IQCJ: variants seen among roughly 807,000 people sequenced by gnomAD.
IQCJ encodes IQ motif containing J.
A neutral mutation model predicts 11.0 loss-of-function variants in IQCJ; 9 were observed. The ratio of observed to expected loss-of-function variants is 0.82; its 90% CI spans 0.49 to 1.43. IQCJ has a LOEUF of 1.43. IQCJ is among the 40% of genes most tolerant of loss of function. The pLI is 0.00. For missense variants in IQCJ, 146 were observed against 133.2 expected, an observed-to-expected ratio of 1.10 and a Z score of -0.47; for synonymous variants, 55 against 51.3, an observed-to-expected ratio of 1.07 and a Z score of -0.31.
intron 1 of IQCJ, among the ~76,000 whole-genome samples, chr3:159,094,141 T>G (rs1252781054): frequency 2.0e-5 from 3 of 151,840 alleles, no homozygotes; most frequent in Admixed American, 1.3e-4. Flanking sequence ...CTAGCCATCT[T>G]CAAAGTGACA....
intron 1 of IQCJ, among the ~76,000 whole-genome samples, chr3:159,209,480 C>T (rs1724830570): frequency 6.6e-6 from 1 of 152,116 alleles, no homozygotes; most frequent in South Asian, 2.1e-4. Flanking sequence ...GGAGGAGAAG[C>T]CAGGTACCAA....
At chr3:159,232,236 A>G (rs1335204661) in intron 1 of IQCJ, among the ~76,000 whole-genome samples, 3 of 152,014 alleles carry the variant, frequency 2.0e-5, no homozygotes, top group Non-Finnish European at 4.4e-5. Context: ...TGTCGATTTT[A>G]GATCTTTCCT....
chr3:159,158,682 T>C (rs1721668555), intron 1 of IQCJ, among the ~76,000 whole-genome samples: 1 of 152,222 alleles, frequency 6.6e-6, no homozygotes, highest in Non-Finnish European at 1.5e-5. Flanking sequence ...TTTTCTTCAA[T>C]AACAACTGTA....
chr3:159,082,470 G>C (rs1274947775), intron 1 of IQCJ, among the ~76,000 whole-genome samples: 2 of 151,836 alleles, frequency 1.3e-5, no homozygotes, highest in Non-Finnish European at 2.9e-5. Context: ...AGGGGAGCAA[G>C]TGTTTTAGGG....
At chr3:159,238,053 A>T (rs1210139780) in intron 1 of IQCJ, among the ~76,000 whole-genome samples, 1 of 152,166 alleles carries the variant, frequency 6.6e-6, no homozygotes, top group Admixed American at 6.5e-5. Flanking sequence ...ATCTGGGGTT[A>T]TCAATAGTTG....
intron 1 of IQCJ, among the ~76,000 whole-genome samples, chr3:159,222,029 C>G (rs969037586): frequency 1.3e-5 from 2 of 151,760 alleles, no homozygotes; most frequent in Non-Finnish European, 2.9e-5. Flanking sequence ...ATATTCAATC[C>G]CTATAGAAAA....
At chr3:159,086,378 T>A (rs1261755803) in intron 1 of IQCJ, among the ~76,000 whole-genome samples, 1 of 152,170 alleles carries the variant, frequency 6.6e-6, no homozygotes, top group Non-Finnish European at 1.5e-5. Context: ...TCTTTTGGCT[T>A]AGGATTGACT....
At chr3:159,114,729 C>T (rs142346112) in intron 1 of IQCJ, among the ~76,000 whole-genome samples, 52 of 152,264 alleles carry the variant, frequency 3.4e-4, no homozygotes, top group African/African-American at 1.2e-3. Flanking sequence ...GAGTGCTCTG[C>T]GCATCTGCCA....
intron 1 of IQCJ, among the ~76,000 whole-genome samples, chr3:159,176,803 G>A (rs138667352): frequency 6.6e-6 from 1 of 152,284 alleles, no homozygotes; most frequent in Non-Finnish European, 1.5e-5. Flanking sequence ...AGTAGCACAT[G>A]TAGCTGGGGG....
intron 1 of IQCJ, among the ~76,000 whole-genome samples, chr3:159,196,042 G>A (rs530595935): frequency 6.6e-6 from 1 of 152,082 alleles, no homozygotes; most frequent in Non-Finnish European, 1.5e-5. Context: ...GCCCTGTGTG[G>A]CAAATAGTGA....
At chr3:159,172,662 C>G (rs559573696) in intron 1 of IQCJ, among the ~76,000 whole-genome samples, 3 of 150,872 alleles carry the variant, frequency 2.0e-5, no homozygotes, top group Non-Finnish European at 4.4e-5. Context: ...CACATGCCCT[C>G]TCTACTATGG....
rs61795195 is a variant in IQCJ at position 159,254,769 on chromosome 3, G to A, written c.155+1962G>A. ...TCAGTGTTACCTCTCCCACCCCCAT[G>A]TACTAAATACCAAGACTGCCCCAGG... On this transcript the variant is annotated intron_variant, in intron 3 of 3. Transcript: ENST00000397832. Among the ~76,000 whole-genome samples the A allele has an allele frequency of 9.7e-3, 1,463 of 151,606 alleles. 14 individuals carry two copies. Among genetic ancestry groups the A allele is most frequent in the African/African-American group, 0.014 (572 of 41,288 alleles).
intron 3 of IQCJ, among the ~76,000 whole-genome samples, chr3:159,257,174 G>T (rs754336601): frequency 3.9e-5 from 6 of 152,166 alleles, no homozygotes; most frequent in Non-Finnish European, 7.3e-5. Flanking sequence ...ACTGTGGAGT[G>T]GTCACTGCCC....
chr3:159,150,641 G>A (rs2108201029), intron 1 of IQCJ, among the ~76,000 whole-genome samples: 1 of 151,878 alleles, frequency 6.6e-6, no homozygotes, highest in Non-Finnish European at 1.5e-5. Flanking sequence ...TGCTTCTGTA[G>A]GTTGAGGGTA....
Position 159,168,818 on chromosome 3 carries a change from A to C in IQCJ, c.10-77025A>C, listed in dbSNP as rs1032425394. Among the ~76,000 whole-genome samples, 5 of 151,912 alleles carry C rather than the reference A, an allele frequency of 3.3e-5. No homozygotes were observed. In the East Asian group the frequency reaches 5.8e-4, roughly 18 times the overall value. ...TTTTAAGCCATATGTTAAAAAAAAA[A>C]CCCAAAGAACAAAAACTTAGTTTAA... is the stretch of plus-strand genomic sequence containing the variant. On this transcript the variant is annotated intron_variant, in intron 1 of 3. Transcript: ENST00000397832.
At chr3:159,200,103 A>AT (rs1362486474) in intron 1 of IQCJ, among the ~76,000 whole-genome samples, 35 of 129,178 alleles carry the variant, frequency 2.7e-4, no homozygotes, top group South Asian at 1.5e-3. Flanking sequence ...GTTTATACAT[A>AT]AATATATATA....
intron 1 of IQCJ, among the ~76,000 whole-genome samples, chr3:159,232,312 A>G (rs993589185): frequency 2.0e-5 from 3 of 151,894 alleles, no homozygotes; most frequent in Non-Finnish European, 4.4e-5. Flanking sequence ...TGTGTCCCAG[A>G]GATTCTGGTA....
intron 1 of IQCJ, among the ~76,000 whole-genome samples, chr3:159,216,597 G>C (rs902355436): frequency 3.3e-5 from 5 of 152,124 alleles, no homozygotes; most frequent in African/African-American, 1.2e-4. Context: ...TTTCCATTAT[G>C]GTGCCCTTTG....
chr3:159,265,403 AATGGACCTCAAGTTT>A, downstream of IQCJ: 1 of 1,611,080 alleles, frequency 6.2e-7, no homozygotes, highest in East Asian at 2.2e-5. Flanking sequence ...CCCTCCAGTG[AATGGACCTCAAGTTT>A]ATGGAGGGAA....
Sources: allele counts gnomAD v4.1 joint callset (sites outside exome capture counted in the v4.1 genomes callset), GRCh38; gene constraint gnomAD v4.1.1; transcripts MANE v1.5; gene names NCBI Gene and HGNC (gene_info 2026-07-23, HGNC 2026-07-21).